The following RBM47 variants were observed in gnomAD, a reference collection of about 807,000 sequenced individuals.
RBM47 encodes the protein RNA-binding protein 47.
Under a neutral mutation model 47.1 loss-of-function variants are expected in RBM47, and 21 were observed. The observed-to-expected ratio is 0.45, with a 90% CI of 0.32 to 0.64. RBM47 has a LOEUF of 0.64. Among genes scored for constraint, RBM47 ranks in the 30% least tolerant of loss-of-function variants. The pLI is 0.05. For synonymous variants in RBM47, 375 were observed against 361.7 expected (o/e 1.04, Z -0.42); for missense variants, 708 against 870.9 (o/e 0.81, Z 2.35).
At chr4:40,488,983 G>C (rs541333639) in intron 2 of RBM47, among the ~76,000 whole-genome samples, 41 of 152,196 alleles carry the variant, frequency 2.7e-4, no homozygotes, top group Admixed American at 1.3e-3. Context: ...GGCAGATGTA[G>C]AACTCATATC....
intron 1 of RBM47, among the ~76,000 whole-genome samples, chr4:40,574,516 A>G (rs558261811): frequency 6.6e-6 from 1 of 152,376 alleles, no homozygotes; most frequent in South Asian, 2.1e-4. Flanking sequence ...ACAAGATTAT[A>G]GATGACAGGG....
intron 2 of RBM47, among the ~76,000 whole-genome samples, chr4:40,494,734 C>G (rs781309968): frequency 2.0e-5 from 3 of 152,086 alleles, no homozygotes; most frequent in Non-Finnish European, 2.9e-5. Flanking sequence ...AGGTGTGGTA[C>G]CATGAGGGTG....
chr4:40,497,979 A>C lies in RBM47; in HGVS notation c.-154-31280T>G, dbSNP rs564782899. On this transcript the variant is annotated intron_variant, in intron 2 of 6. Transcript: ENST00000295971. ...GCCCTCCAGCCTGGATGACAGAGCA[A>C]GACTCTATCTCAAAACCAAAACCAA... Among the ~76,000 whole-genome samples, 16 of 150,200 alleles carry C rather than the reference A, an allele frequency of 1.1e-4. No individual in the cohort carries two copies. In the South Asian group the frequency reaches 1.7e-3, roughly 16 times the overall value.
At chr4:40,553,425 G>A (rs888765097) in intron 1 of RBM47, among the ~76,000 whole-genome samples, 10 of 152,034 alleles carry the variant, frequency 6.6e-5, no homozygotes, top group Admixed American at 6.6e-4. Flanking sequence ...AGCCTCCCAA[G>A]TAGCTGGGAT....
chr4:40,538,013 A>G (rs1184550234), intron 2 of RBM47, among the ~76,000 whole-genome samples: 4 of 151,856 alleles, frequency 2.6e-5, no homozygotes, highest in African/African-American at 4.8e-5. Context: ...GCCCAGCTAC[A>G]TCAAGTCTTG....
At chr4:40,538,149 C>T (rs1446179757) in intron 2 of RBM47, among the ~76,000 whole-genome samples, 3 of 151,966 alleles carry the variant, frequency 2.0e-5, no homozygotes, top group East Asian at 1.9e-4. Flanking sequence ...TTAACACTGA[C>T]GTCAAATTTG....
intron 2 of RBM47, among the ~76,000 whole-genome samples, chr4:40,477,717 G>GGA (rs1247940051): frequency 6.6e-6 from 1 of 152,118 alleles, no homozygotes; most frequent in African/African-American, 2.4e-5. Context: ...AAGGGGGTAA[G>GGA]GAGAGAGCAA....
intron 2 of RBM47, among the ~76,000 whole-genome samples, chr4:40,482,498 CCTGCCT>C (rs1720572621): frequency 6.6e-6 from 1 of 152,122 alleles, no homozygotes; most frequent in African/African-American, 2.4e-5. Flanking sequence ...AGGTAATCCA[CCTGCCT>C]CTGCTTTCCA....
At chr4:40,627,947 G>T (rs998945481) in intron 1 of RBM47, among the ~76,000 whole-genome samples, 1 of 152,084 alleles carries the variant, frequency 6.6e-6, no homozygotes, top group Non-Finnish European at 1.5e-5. Context: ...TTCTGTAAAC[G>T]CAAAAACCAA....
At chr4:40,521,719 G>T (rs1308804756) in intron 2 of RBM47, among the ~76,000 whole-genome samples, 1 of 152,148 alleles carries the variant, frequency 6.6e-6, no homozygotes, top group African/African-American at 2.4e-5. Context: ...TGAATGAAGT[G>T]ACCCTGGCAC....
At chr4:40,485,291 A>G (rs1319012255) in intron 2 of RBM47, among the ~76,000 whole-genome samples, 1 of 152,232 alleles carries the variant, frequency 6.6e-6, no homozygotes, top group Admixed American at 6.5e-5. Flanking sequence ...AAGAATCAAT[A>G]TGAAATAAAG....
chr4:40,598,082 C>A (rs1188585258), intron 1 of RBM47, among the ~76,000 whole-genome samples: 2 of 152,166 alleles, frequency 1.3e-5, no homozygotes, highest in African/African-American at 4.8e-5. Context: ...TGTATTATTG[C>A]ATAGCAGAGT....
At chr4:40,558,706 T>G (rs538672484) in intron 1 of RBM47, among the ~76,000 whole-genome samples, 26 of 151,852 alleles carry the variant, frequency 1.7e-4, no homozygotes, top group African/African-American at 5.8e-4. Flanking sequence ...TGGACACCTG[T>G]AGTTCCAGCT....
At chr4:40,614,287 G>A (rs1736508558) in intron 1 of RBM47, among the ~76,000 whole-genome samples, 1 of 151,988 alleles carries the variant, frequency 6.6e-6, no homozygotes, top group Admixed American at 6.6e-5. Flanking sequence ...CAGCCTTTTA[G>A]TGACTTGAAC....
intron 2 of RBM47, among the ~76,000 whole-genome samples, chr4:40,485,400 T>C (rs532172204): frequency 3.0e-4 from 45 of 152,346 alleles, no homozygotes; most frequent in African/African-American, 1.0e-3. Flanking sequence ...GCAGTAAGAA[T>C]ATGCAGATGG....
chr4:40,624,559 C>T (rs1737554423), intron 1 of RBM47, among the ~76,000 whole-genome samples: 1 of 152,182 alleles, frequency 6.6e-6, no homozygotes, highest in African/African-American at 2.4e-5. Context: ...ATAGTAAGAT[C>T]ATCCTCATGG....
At chr4:40,492,910 C>T (rs998228951) in intron 2 of RBM47, among the ~76,000 whole-genome samples, 2 of 152,150 alleles carry the variant, frequency 1.3e-5, no homozygotes, top group African/African-American at 4.8e-5. Context: ...GGCAGCAACT[C>T]CCCTGCATCT....
At chr4:40,571,895 T>C (rs1197839712) in intron 1 of RBM47, among the ~76,000 whole-genome samples, 1 of 151,618 alleles carries the variant, frequency 6.6e-6, no homozygotes, top group East Asian at 1.9e-4. Flanking sequence ...TGGTGGTCCA[T>C]GCCTGTAATC....
intron 2 of RBM47, among the ~76,000 whole-genome samples, chr4:40,497,425 C>G (rs1464444776): frequency 6.6e-6 from 1 of 152,046 alleles, no homozygotes; most frequent in South Asian, 2.1e-4. Context: ...CGAGACCAGC[C>G]TGGGCAACAT....
Sources: allele counts gnomAD v4.1 joint callset (sites outside exome capture counted in the v4.1 genomes callset), GRCh38; gene constraint gnomAD v4.1.1; transcripts MANE v1.5; gene names NCBI Gene and HGNC (gene_info 2026-07-23, HGNC 2026-07-21).